Variants in PTPRD observed in about 807,000 individuals in gnomAD.
The protein encoded by PTPRD is protein tyrosine phosphatase receptor type D.
Under a neutral mutation model 214.5 loss-of-function variants are expected in PTPRD, and 34 were observed. The ratio of observed to expected loss-of-function variants is 0.16; its 90% confidence interval spans 0.12 to 0.21. The LOEUF is 0.21. Among genes scored for constraint, PTPRD ranks in the 10% least tolerant of loss-of-function variants. PTPRD has a pLI of 1.00. For missense variants in PTPRD, 2,545 were observed against 2,398.7 expected (o/e 1.06, Z -1.27); for synonymous variants, 1,128 against 845.7 (o/e 1.33, Z -5.79).
intron 2 of PTPRD, among the ~76,000 whole-genome samples, chr9:10,413,091 T>C (rs10809088): frequency 0.63 from 95,401 of 151,700 alleles, 31,203 homozygotes; most frequent in Non-Finnish European, 0.73. Context: ...CTATTCAACA[T>C]AGTATTGAAA....
intron 11 of PTPRD, among the ~76,000 whole-genome samples, chr9:8,779,830 T>G: frequency 6.6e-6 from 1 of 151,560 alleles, no homozygotes; most frequent in Non-Finnish European, 1.5e-5. Flanking sequence ...TTTTTTTTTT[T>G]TTTGGTCCTA....
chr9:9,989,524 T>G (rs1301100547), intron 4 of PTPRD, among the ~76,000 whole-genome samples: 1 of 152,016 alleles, frequency 6.6e-6, no homozygotes, highest in Non-Finnish European at 1.5e-5. Context: ...TCCATTATCT[T>G]CCCATTCCAT....
At chr9:10,502,949 T>C (rs2044278234) in intron 2 of PTPRD, among the ~76,000 whole-genome samples, 3 of 152,140 alleles carry the variant, frequency 2.0e-5, no homozygotes, top group African/African-American at 2.4e-5. Context: ...AGATTCAGTA[T>C]CTGTATTCTT....
chr9:10,574,598 T>C (rs1440852050), intron 2 of PTPRD, among the ~76,000 whole-genome samples: 2 of 152,012 alleles, frequency 1.3e-5, no homozygotes, highest in Non-Finnish European at 2.9e-5. Context: ...CAAATACATT[T>C]GTGGGTTAAT....
rs148007471 is a variant in PTPRD, at chr9:9,648,754, C to A, written c.-286-73973G>T. On this transcript the variant is annotated intron_variant, in intron 7 of 45. Coordinates refer to ENST00000381196, the MANE Select transcript of PTPRD (RefSeq NM_002839.4). The stretch of plus-strand genomic sequence containing the variant: ...GTGAGGTGCAAGTCTAAGATATAAA[C>A]GTAATGTTCTTATATTGTATTGTGT... 6.4e-3 allele frequency among the ~76,000 whole-genome samples: 980 copies of A among 152,194 alleles called. 8 individuals carry two copies. Among genetic ancestry groups the A allele is most frequent in the African/African-American group, 0.023 (947 of 41,522 alleles).
chr9:10,277,653 T>C lies in PTPRD; in HGVS notation c.-545+63310A>G, dbSNP rs563701471. 4.9e-4 allele frequency among the ~76,000 whole-genome samples: 74 copies of C among 152,366 alleles called. 1 individual carries two copies. The highest frequency in any genetic ancestry group is 1.1e-3 in the African/African-American group (45 of 41,590). On this transcript the variant is annotated intron_variant, in intron 3 of 45. Coordinates refer to ENST00000381196, the MANE Select transcript of PTPRD (RefSeq NM_002839.4). Reference sequence around the variant, plus strand: ...CCTGATTCTTGTATAACTACTGCTATCTGAGTTCTATCCCTACAGTAAAGA... The same window carrying C: ...CCTGATTCTTGTATAACTACTGCTACCTGAGTTCTATCCCTACAGTAAAGA...
intron 9 of PTPRD, among the ~76,000 whole-genome samples, chr9:9,300,661 A>G (rs539220073): frequency 6.6e-6 from 1 of 151,928 alleles, no homozygotes; most frequent in Admixed American, 6.6e-5. Context: ...CTTCTGCTGT[A>G]TGAGGATACA....
At chr9:9,437,000 G>C (rs910068726) in intron 8 of PTPRD, among the ~76,000 whole-genome samples, 2 of 152,020 alleles carry the variant, frequency 1.3e-5, no homozygotes, top group Non-Finnish European at 2.9e-5. Context: ...TCTATCCGTT[G>C]TTTGTGTTAT....
At chr9:9,491,919 T>C (rs905920848) in intron 8 of PTPRD, among the ~76,000 whole-genome samples, 1 of 151,772 alleles carries the variant, frequency 6.6e-6, no homozygotes, top group African/African-American at 2.4e-5. Context: ...AAATAGATAA[T>C]AGAAAAACAG....
chr9:8,460,146 T>C (rs1260512691), intron 33 of PTPRD: 4 of 436,142 alleles, frequency 9.2e-6, no homozygotes, highest in East Asian at 4.2e-5. Flanking sequence ...AAAGTGCTTA[T>C]CTGCATAAAG....
rs1421472811 is a variant in PTPRD at position 8,364,330 on chromosome 9, G to C, written c.4661+11606C>G. Among the ~76,000 whole-genome samples, 5 of 152,212 alleles carry C rather than the reference G, an allele frequency of 3.3e-5. No homozygotes were observed. The East Asian group carries it at 9.6e-4, about 29-fold the overall frequency. On this transcript the variant is annotated intron_variant, in intron 39 of 45. Transcript: ENST00000381196. ...AGATTTGGCACATGGGTTATCATTG[G>C]ACAGTGTACCACACACAGTTTTTAT...
intron 30 of PTPRD, among the ~76,000 whole-genome samples, chr9:8,471,598 A>C (rs1342508832): frequency 1.3e-5 from 2 of 152,172 alleles, no homozygotes; most frequent in African/African-American, 4.8e-5. Flanking sequence ...ATTAGGTATA[A>C]TTGCACAGAG....
At chr9:9,515,221 A>G (rs957478855) in intron 8 of PTPRD, among the ~76,000 whole-genome samples, 5 of 152,028 alleles carry the variant, frequency 3.3e-5, no homozygotes, top group African/African-American at 1.2e-4. Flanking sequence ...AGCTTGTATG[A>G]GTGTCTGCCT....
chr9:9,691,620 C>T (rs2097272682), intron 7 of PTPRD, among the ~76,000 whole-genome samples: 1 of 151,940 alleles, frequency 6.6e-6, no homozygotes, highest in Non-Finnish European at 1.5e-5. Flanking sequence ...TACTGATTTC[C>T]TTTCTTTTGG....
intron 40 of PTPRD, 35 bp downstream of exon 40, chr9:8,341,658 G>A: frequency 6.2e-7 from 1 of 1,600,980 alleles, no homozygotes; most frequent in East Asian, 2.2e-5. Context: ...AGAATGACTT[G>A]CTCCTGAATA....
At chr9:9,832,524 C>A (rs2055228033) in intron 5 of PTPRD, among the ~76,000 whole-genome samples, 1 of 151,902 alleles carries the variant, frequency 6.6e-6, no homozygotes, top group Admixed American at 6.6e-5. Flanking sequence ...TATGTGTCCT[C>A]CCTCATCCGA....
chr9:10,513,283 G>A (rs540145136), intron 2 of PTPRD, among the ~76,000 whole-genome samples: 80 of 152,138 alleles, frequency 5.3e-4, no homozygotes, highest in African/African-American at 1.9e-3. Flanking sequence ...CCAGTATGAG[G>A]AATATCAGTA....
chr9:10,512,990 C>T (rs2048806422), intron 2 of PTPRD, among the ~76,000 whole-genome samples: 1 of 151,758 alleles, frequency 6.6e-6, no homozygotes, highest in Non-Finnish European at 1.5e-5. Context: ...GAAAGAACTA[C>T]CAGTTTGGAA....
chr9:9,942,212 T>C (rs1445015530), intron 4 of PTPRD, among the ~76,000 whole-genome samples: 3 of 152,098 alleles, frequency 2.0e-5, no homozygotes, highest in Non-Finnish European at 4.4e-5. Flanking sequence ...AATACAACCA[T>C]ACATATATTC....
Sources: allele counts gnomAD v4.1 joint callset (sites outside exome capture counted in the v4.1 genomes callset), GRCh38; gene constraint gnomAD v4.1.1; transcripts MANE v1.5; gene names NCBI Gene and HGNC (gene_info 2026-07-23, HGNC 2026-07-21).